CUZD1: variants seen among roughly 807,000 people sequenced by gnomAD.
The protein encoded by CUZD1 is CUB and zona pellucida like domains 1.
CUZD1 carries 42 observed loss-of-function variants against 53.1 expected under a neutral mutation model. That is an observed-to-expected ratio of 0.79 (90% CI 0.62 to 1.02). CUZD1 has a LOEUF of 1.02. Among genes scored for constraint, CUZD1 ranks in the 50% least tolerant of loss-of-function variants. The pLI, the probability that CUZD1 is intolerant of heterozygous loss-of-function variation, is 0.00. For missense variants in CUZD1, 670 were observed against 715.7 expected (o/e 0.94, Z 0.73); for synonymous variants, 238 against 257.2 (o/e 0.93, Z 0.71).
chr10:122,839,204 A>C lies in CUZD1; in HGVS notation c.261T>G (p.Ser87Arg). The change falls in exon 3 of 9, where the codon AGT (serine) becomes AGG (arginine). Residue 87 changes from serine (S) to arginine (R), a missense_variant. By Grantham distance (110) the Ser-to-Arg change is moderately radical (BLOSUM62 -1). Transcript: ENST00000392790. The stretch of plus-strand genomic sequence containing the variant: ...TTCCGTCAAAGACTTTAATGTTTTC[A>C]CTTTCACAGCTTCCATCTGGATCAA... ...VQLDPDGSCE[S>R]ENIKVFDGTS... 1 of 1,614,060 alleles carries C rather than the reference A, an allele frequency of 6.2e-7. No individual in the cohort carries two copies. The highest frequency in any genetic ancestry group is 2.2e-5 in the East Asian group (1 of 44,886).
Position 122,836,952 on chromosome 10 carries a change from C to T in CUZD1, c.696G>A (p.Val232=), listed in dbSNP as rs1847262481. ...TTGATGACGATTCGAAGGTGGGAGT[C>T]ACACGGCCACAGACTTGTCCAATCA... ...SGLIGQVCGR[V]TPTFESSSNS... Residue 232 remains valine, a synonymous_variant, in exon 5 of 9, where the codon GTG becomes GTA. Transcript: ENST00000392790. The T allele has an allele frequency of 6.2e-7, 1 of 1,614,072 alleles. No homozygotes were observed. Among genetic ancestry groups the T allele is most frequent in the Non-Finnish European group, 8.5e-7 (1 of 1,179,942 alleles).
rs746978782 is a variant in CUZD1 at position 122,834,806 on chromosome 10, G to A, written c.1282C>T (p.Leu428=). The stretch of plus-strand genomic sequence containing the variant: ...ACCAAATTTGGATCTGAGGTGTGCA[G>A]ACTAACTTGAACAAAAAGAGTTTGG... ...LNQTLFVQVS[L]HTSDPNLVVF... Residue 428 remains leucine (L), a synonymous_variant, in exon 7 of 9, where the codon CTG becomes TTG. Transcript: ENST00000392790. 4.2e-5 allele frequency: 67 copies of A among 1,613,692 alleles called. No homozygotes were observed. The highest frequency in any genetic ancestry group is 1.1e-4 in the East Asian group (5 of 44,872).
At chr10:122,833,590 A>T in intron 8 of CUZD1, 82 bp downstream of exon 8, 1 of 1,388,974 alleles carries the variant, frequency 7.2e-7, no homozygotes, top group Non-Finnish European at 9.9e-7. Context: ...TCTAAACTGT[A>T]CATGCTTAAG....
At chr10:122,837,281 A>G in intron 4 of CUZD1, 123 bp downstream of exon 4, 1 of 1,050,034 alleles carries the variant, frequency 9.5e-7, no homozygotes, top group Non-Finnish European at 1.4e-6. Flanking sequence ...TCCTTTCTAC[A>G]TCAATTCTTT....
intron 2 of CUZD1, among the ~76,000 whole-genome samples, chr10:122,840,815 T>C (rs1015855922): frequency 1.3e-5 from 2 of 152,090 alleles, no homozygotes; most frequent in East Asian, 1.9e-4. Flanking sequence ...TTCAAATGCA[T>C]AGAAAAATTT....
rs551074034 is a variant in CUZD1 at position 122,841,226 on chromosome 10, A to C, written c.185T>G (p.Ile62Arg). 6.2e-7 allele frequency: 1 copy of C among 1,613,838 alleles called. No homozygotes were observed. Among genetic ancestry groups the C allele is most frequent in the South Asian group, 1.1e-5 (1 of 91,042 alleles). The change falls in exon 2 of 9, where the codon ATA becomes AGA. Residue 62 changes from isoleucine (I) to arginine (R), a missense_variant. By Grantham distance (97) the Ile-to-Arg change is moderately conservative. Coordinates refer to ENST00000392790, the MANE Select transcript of CUZD1 (RefSeq NM_022034.6). The stretch of plus-strand genomic sequence containing the variant: ...GATGCTTTTGTTTTCTGGTCTTTCT[A>C]TTGTCCAGGTGCAGTTCTCACTGGG... ...LNPSENCTWT[I>R]ERPENKSIRI...
chr10:122,842,143 T>G (rs1474800928), intron 1 of CUZD1, among the ~76,000 whole-genome samples: 2 of 152,218 alleles, frequency 1.3e-5, no homozygotes, highest in Non-Finnish European at 2.9e-5. Flanking sequence ...AATTTAGTAA[T>G]AGTTTCTTTT....
chr10:122,834,346 T>G (rs1405253207), intron 7 of CUZD1, among the ~76,000 whole-genome samples: 1 of 152,246 alleles, frequency 6.6e-6, no homozygotes, highest in Non-Finnish European at 1.5e-5. Flanking sequence ...TGGCGTTATA[T>G]TTTAAAGATA....
rs369603738 is a variant in CUZD1 at position 122,836,939 on chromosome 10, C to T, written c.709G>A (p.Glu237Lys). ...ACAGTCAGAGAGTTTGATGACGATT[C>T]GAAGGTGGGAGTCACACGGCCACAG... ...QVCGRVTPTF[E>K]SSSNSLTVVL... The change falls in exon 5 of 9, where the codon GAA (glutamate) becomes AAA (lysine). Residue 237 changes from glutamate to lysine, a missense_variant. Transcript: ENST00000392790. 5.1e-5 allele frequency: 82 copies of T among 1,614,016 alleles called. No individual in the cohort carries two copies. The highest frequency in any genetic ancestry group is 4.0e-4 in the Admixed American group (24 of 60,008).
At chr10:122,843,110 A>G (rs941956942) in intron 1 of CUZD1, among the ~76,000 whole-genome samples, 2 of 152,362 alleles carry the variant, frequency 1.3e-5, no homozygotes, top group Admixed American at 6.5e-5. Flanking sequence ...ATTGCTAGGC[A>G]TATCCCCAAA....
chr10:122,841,127 A>G (rs1420739598), intron 2 of CUZD1, 51 bp downstream of exon 2: 15 of 1,546,350 alleles, frequency 9.7e-6, no homozygotes, highest in African/African-American at 1.4e-5. Flanking sequence ...ACCCACCCCA[A>G]TGTGGTCAGA....
At chr10:122,842,428 T>C (rs986436469) in intron 1 of CUZD1, among the ~76,000 whole-genome samples, 5 of 152,210 alleles carry the variant, frequency 3.3e-5, no homozygotes, top group Admixed American at 2.0e-4. Context: ...CAAAGGACCA[T>C]ATTTGTGTGG....
At chr10:122,833,362 T>C (rs1847188402) in intron 8 of CUZD1, among the ~76,000 whole-genome samples, 1 of 152,232 alleles carries the variant, frequency 6.6e-6, no homozygotes, top group African/African-American at 2.4e-5. Flanking sequence ...AATTATCTGC[T>C]ATGCCATCTA....
chr10:122,840,616 T>C (rs1387664563), intron 2 of CUZD1, among the ~76,000 whole-genome samples: 1 of 152,178 alleles, frequency 6.6e-6, no homozygotes, highest in Non-Finnish European at 1.5e-5. Context: ...GGCGGAGTCA[T>C]GTTCTCAGCT....
At chr10:122,841,412 T>A in intron 1 of CUZD1, 84 bp from the exon 2 acceptor site, 1 of 1,338,364 alleles carries the variant, frequency 7.5e-7, no homozygotes, top group Non-Finnish European at 1.0e-6. Context: ...CTCTCACATG[T>A]AATATACATA....
At chr10:122,835,412 CT>C (rs1688865533) in intron 6 of CUZD1, among the ~76,000 whole-genome samples, 1 of 152,142 alleles carries the variant, frequency 6.6e-6, no homozygotes. Context: ...CTATATATTG[CT>C]TTCCTTAAAG....
Position 122,832,292 on chromosome 10 carries a change from G to T in CUZD1, c.1810C>A (p.Leu604Met). Residue 604 changes from leucine (L) to methionine (M), a missense_variant, in exon 9 of 9, where the codon CTG becomes ATG. Transcript: ENST00000392790. Reference protein sequence around the residue: ...NQRADYKYQKLQNY With the variant: ...NQRADYKYQKMQNY ...GGACCTGTTAGTTAATAGTTCTGCA[G>T]CTTCTGGTATTTGTAGTCTGCCCGT... The T allele has an allele frequency of 6.2e-7, 1 of 1,614,070 alleles. No homozygotes were observed. Among genetic ancestry groups the T allele is most frequent in the South Asian group, 1.1e-5 (1 of 91,074 alleles).
intron 1 of CUZD1, among the ~76,000 whole-genome samples, chr10:122,841,534 T>A (rs909597477): frequency 2.2e-4 from 34 of 152,260 alleles, no homozygotes; most frequent in African/African-American, 8.2e-4. Flanking sequence ...CTTCTCTACA[T>A]ATAGAGACTA....
Position 122,833,654 on chromosome 10 carries a change from G to A in CUZD1, c.1651+18C>T, listed in dbSNP as rs368171775. 19 of 1,608,982 alleles carry A rather than the reference G, an allele frequency of 1.2e-5. No individual in the cohort carries two copies. The highest frequency in any genetic ancestry group is 1.6e-5 in the Non-Finnish European group (19 of 1,176,988). On this transcript the variant is annotated intron_variant, in intron 8 of 8. Coordinates refer to ENST00000392790, the MANE Select transcript of CUZD1 (RefSeq NM_022034.6). ...AGCCATGATGTGCTTTTGGATCATG[G>A]AATAGCTTTTTTCTTACCTGAATTG...
Sources: allele counts gnomAD v4.1 joint callset (sites outside exome capture counted in the v4.1 genomes callset), GRCh38; gene constraint gnomAD v4.1.1; transcripts MANE v1.5; gene names NCBI Gene and HGNC (gene_info 2026-07-23, HGNC 2026-07-21).